Variants in COL28A1 observed in about 807,000 individuals in gnomAD.
COL28A1 encodes collagen type XXVIII alpha 1 chain.
A neutral mutation model predicts 150.2 loss-of-function variants in COL28A1; 161 were observed. The ratio of observed to expected loss-of-function variants is 1.07; its 90% CI spans 0.94 to 1.22. The LOEUF (loss-of-function observed/expected upper bound fraction) is 1.22, where lower values mean the gene tolerates loss of function less well. Among genes scored for constraint, COL28A1 ranks in the 50% most tolerant of loss-of-function variants. COL28A1 has a pLI of 0.00. For synonymous variants in COL28A1, 552 were observed against 469.7 expected (o/e 1.18, Z -2.26); for missense variants, 1,617 against 1,388.3 (o/e 1.16, Z -2.62).
Position 7,373,698 on chromosome 7 carries a change from C to A in COL28A1, c.2360-152G>T, listed in dbSNP as rs910007600. ...AAAATACCTGACAGCTGTCTCCATT[C>A]TGGTTTCTTTTTTTTTTTGTGAGAC... is the stretch of plus-strand genomic sequence containing the variant. On this transcript the variant is annotated intron_variant, in intron 31 of 34. Coordinates refer to ENST00000399429, the MANE Select transcript of COL28A1 (RefSeq NM_001037763.3). This position sits in a 1 kb window ranked among gnomAD's most constrained non-coding sequence, Gnocchi z 4.1. 1.4e-5 allele frequency: 9 copies of A among 631,130 alleles called. No individual in the cohort carries two copies. The highest frequency in any genetic ancestry group is 2.0e-5 in the Non-Finnish European group (8 of 392,266). The allele number at this position is 631,130 out of a possible 1,614,324, so 39.1% of individuals were successfully genotyped here.
chr7:7,415,218 G>C (rs1381921353), intron 27 of COL28A1, among the ~76,000 whole-genome samples: 1 of 152,172 alleles, frequency 6.6e-6, no homozygotes, highest in African/African-American at 2.4e-5. Flanking sequence ...TCCGTCAAAG[G>C]CTACTAAGCA....
At chr7:7,425,624 T>C (rs1784610810) in intron 25 of COL28A1, among the ~76,000 whole-genome samples, 1 of 152,244 alleles carries the variant, frequency 6.6e-6, no homozygotes, top group Non-Finnish European at 1.5e-5. Context: ...TTATCCATCC[T>C]ACAATGTGTG....
the COL28A1 span, among the ~76,000 whole-genome samples, chr7:7,338,586 C>A: frequency 6.6e-6 from 1 of 152,116 alleles, no homozygotes; most frequent in East Asian, 1.9e-4. Flanking sequence ...GTCTAAGAGC[C>A]TTTTGGTGGA....
chr7:7,519,620 G>A (rs549387467), intron 6 of COL28A1, among the ~76,000 whole-genome samples: 2 of 152,246 alleles, frequency 1.3e-5, no homozygotes, highest in South Asian at 2.1e-4. Flanking sequence ...AATTCGAGAA[G>A]TCCTTGAAGA....
chr7:7,368,865 A>G, intron 33 of COL28A1, among the ~76,000 whole-genome samples: 1 of 152,196 alleles, frequency 6.6e-6, no homozygotes, highest in Non-Finnish European at 1.5e-5. Context: ...CTCTTCCCTG[A>G]AATTAATTGC....
In COL28A1 at chr7:7,381,527, G is replaced by C; in HGVS notation, c.2205+17C>G. 1 of 1,601,744 alleles carries C rather than the reference G, an allele frequency of 6.2e-7. No homozygotes were observed. The highest frequency in any genetic ancestry group is 8.5e-7 in the Non-Finnish European group (1 of 1,169,636). On this transcript the variant is annotated intron_variant, in intron 28 of 34. Transcript: ENST00000399429. ...ATCCTAAGCCTAAGCATTTCTCTAA[G>C]ATCCTGAGACACTTACCTTCTGGCC...
chr7:7,512,335 C>T (rs2115153571), intron 8 of COL28A1, among the ~76,000 whole-genome samples: 1 of 152,216 alleles, frequency 6.6e-6, no homozygotes, highest in Middle Eastern at 3.4e-3. Context: ...TATTGAAAAT[C>T]ACTAAAAGGG....
intron 11 of COL28A1, 99 bp downstream of exon 11, chr7:7,505,915 C>T (rs993195630): frequency 5.2e-6 from 4 of 770,978 alleles, no homozygotes; most frequent in Non-Finnish European, 9.4e-6. Flanking sequence ...AAGGTACTTC[C>T]TCAAAGAATC....
intron 20 of COL28A1, among the ~76,000 whole-genome samples, chr7:7,442,776 C>T (rs1785914236): frequency 6.6e-6 from 1 of 152,146 alleles, no homozygotes; most frequent in Non-Finnish European, 1.5e-5. Flanking sequence ...GTGGCTCACA[C>T]CCATAATCCC....
downstream of COL28A1, among the ~76,000 whole-genome samples, chr7:7,354,249 C>T (rs1780298216): frequency 1.3e-5 from 2 of 152,156 alleles, no homozygotes; most frequent in Non-Finnish European, 2.9e-5. Flanking sequence ...CCACCTTAAC[C>T]TCCCAAAGTG....
intron 21 of COL28A1, among the ~76,000 whole-genome samples, chr7:7,439,180 G>A (rs910624209): frequency 6.6e-6 from 1 of 152,122 alleles, no homozygotes; most frequent in Non-Finnish European, 1.5e-5. Flanking sequence ...GATGACTCCT[G>A]CCCAGGGCCG....
intron 21 of COL28A1, among the ~76,000 whole-genome samples, chr7:7,440,359 C>A (rs1344184451): frequency 6.6e-6 from 1 of 152,232 alleles, no homozygotes; most frequent in Non-Finnish European, 1.5e-5. Context: ...ATTGAAGCGA[C>A]TTGCTCCAAG....
intron 28 of COL28A1, 99 bp downstream of exon 28, chr7:7,381,445 A>G: frequency 1.3e-6 from 1 of 783,854 alleles, no homozygotes; most frequent in South Asian, 1.7e-5. Context: ...GAGAGTTGTA[A>G]GGGGAAGAGT....
chr7:7,438,777 A>T (rs983325458), intron 21 of COL28A1, among the ~76,000 whole-genome samples: 5 of 152,234 alleles, frequency 3.3e-5, no homozygotes, highest in African/African-American at 1.2e-4. Flanking sequence ...TTATAATCAA[A>T]ACAGTTTGGA....
At chr7:7,352,610 T>A (rs772342566), downstream of COL28A1, among the ~76,000 whole-genome samples, 1 of 152,116 alleles carries the variant, frequency 6.6e-6, no homozygotes, top group Non-Finnish European at 1.5e-5. Flanking sequence ...CGCCAAGGAA[T>A]GTGGGTGGCC....
chr7:7,522,193 C>T (rs956990447), intron 4 of COL28A1: 3 of 541,478 alleles, frequency 5.5e-6, no homozygotes, highest in Non-Finnish European at 1.0e-5. Flanking sequence ...TTTATACCTA[C>T]CAAGAGCTAG....
chr7:7,360,465 G>C lies in COL28A1; in HGVS notation c.3130C>G (p.Leu1044Val). The C allele has an allele frequency of 2.5e-6, 4 of 1,609,902 alleles. No individual in the cohort carries two copies. Among genetic ancestry groups the C allele is most frequent in the Non-Finnish European group, 2.5e-6 (3 of 1,178,744 alleles). ...KAPEPTWADD[L>V]PATTSSEATT... ...GCCTCAGATGAGGTAGTGGCAGGCA[G>C]ATCATCAGCCCACGTTGGCTCTGGA... is the stretch of plus-strand genomic sequence containing the variant. Residue 1044 changes from leucine (L) to valine (V), a missense_variant, in exon 34 of 35, where the codon CTG becomes GTG. By Grantham distance (32) the Leu-to-Val change is conservative. Transcript: ENST00000399429.
At chr7:7,542,543 A>G in the COL28A1 span, among the ~76,000 whole-genome samples, 11 of 152,238 alleles carry the variant, frequency 7.2e-5, no homozygotes, top group Non-Finnish European at 8.8e-5. Context: ...ATATAGTGTG[A>G]TAACATCTAT....
intron 25 of COL28A1, 77 bp downstream of exon 25, chr7:7,432,396 A>T (rs1294837305): frequency 2.5e-6 from 3 of 1,197,746 alleles, no homozygotes; most frequent in Non-Finnish European, 2.5e-6. Flanking sequence ...GCTGATAAAA[A>T]ATTTTATTTT....
Sources: allele counts gnomAD v4.1 joint callset (sites outside exome capture counted in the v4.1 genomes callset), GRCh38; gene constraint gnomAD v4.1.1; non-coding constraint Gnocchi (gnomAD v3.1); transcripts MANE v1.5; gene names NCBI Gene and HGNC (gene_info 2026-07-23, HGNC 2026-07-21).